The following PRKCH variants were observed in gnomAD, a reference collection of about 807,000 sequenced individuals.
PRKCH encodes the protein protein kinase C eta.
Under a neutral mutation model 82.5 loss-of-function variants are expected in PRKCH, and 28 were observed. That is an observed-to-expected ratio of 0.34 (90% CI 0.25 to 0.47). The LOEUF (loss-of-function observed/expected upper bound fraction) is 0.47. PRKCH is among the 20% of genes least tolerant of loss of function. The pLI is 1.00. For missense variants in PRKCH, 705 were observed against 881.8 expected (o/e 0.80, Z 2.54); for synonymous variants, 322 against 327.4 (o/e 0.98, Z 0.18).
At chr14:61,519,394 C>G (rs1241922211) in intron 10 of PRKCH, among the ~76,000 whole-genome samples, 2 of 152,104 alleles carry the variant, frequency 1.3e-5, no homozygotes, top group Non-Finnish European at 2.9e-5. Context: ...CTCAAGCAAT[C>G]CTCCCACCCT....
upstream of PRKCH, among the ~76,000 whole-genome samples, chr14:61,319,079 T>C (rs1189126020): frequency 6.6e-6 from 1 of 152,150 alleles, no homozygotes; most frequent in Non-Finnish European, 1.5e-5. Context: ...CCATAGATAA[T>C]GTCCAAGGCT....
At chr14:61,449,026 G>A (rs966751378) in intron 4 of PRKCH, 138 bp from the exon 5 acceptor site, 1 of 707,218 alleles carries the variant, frequency 1.4e-6, no homozygotes. Context: ...CAATAGGAAG[G>A]ATGGGCGCAC....
intron 1 of PRKCH, among the ~76,000 whole-genome samples, chr14:61,286,480 C>T (rs905427104): frequency 6.6e-6 from 1 of 152,200 alleles, no homozygotes; most frequent in Admixed American, 6.5e-5. Context: ...CACTAACTTA[C>T]TGCAAAACAG....
intron 1 of PRKCH, among the ~76,000 whole-genome samples, chr14:61,235,060 G>C (rs1471444071): frequency 6.6e-6 from 1 of 152,176 alleles, no homozygotes; most frequent in Non-Finnish European, 1.5e-5. Flanking sequence ...CAAGCACATG[G>C]GGATATCTAC....
chr14:61,269,819 T>C (rs958303366), intron 1 of PRKCH, among the ~76,000 whole-genome samples: 4 of 152,290 alleles, frequency 2.6e-5, no homozygotes, highest in Middle Eastern at 3.4e-3. Context: ...ACAATCAACC[T>C]GAGAAATTGT....
intron 1 of PRKCH, among the ~76,000 whole-genome samples, chr14:61,262,260 T>C (rs2045054873): frequency 7.1e-6 from 1 of 141,198 alleles, no homozygotes; most frequent in Non-Finnish European, 1.5e-5. Context: ...TTACTCATAA[T>C]AGCTCCAAAC....
chr14:61,306,485 G>A (rs1424415005), intron 1 of PRKCH: 1 of 152,146 alleles, frequency 6.6e-6, no homozygotes, highest in Non-Finnish European at 1.5e-5. Flanking sequence ...AGTCTACTTG[G>A]TGTCCCCAGA....
In PRKCH at chr14:61,296,350, G is replaced by A. The variant is rs145374054; in HGVS notation, c.-19+108682G>A. 5.9e-4 allele frequency among the ~76,000 whole-genome samples: 90 copies of A among 152,242 alleles called. 1 individual carries two copies. In the East Asian group the frequency reaches 7.5e-3, roughly 13 times the overall value. ...AGCTCCTCGGGGGATCGGCTAAGCT[G>A]ATACACACCCCTGCTCCTCCCATCC... On this transcript the variant is annotated intron_variant, in intron 1 of 3. Coordinates refer to the PRKCH transcript ENST00000555185.
At chr14:61,217,062 T>G (rs1316519827) in intron 1 of PRKCH, among the ~76,000 whole-genome samples, 1 of 152,154 alleles carries the variant, frequency 6.6e-6, no homozygotes, top group African/African-American at 2.4e-5. Flanking sequence ...CACCCTTTAC[T>G]AAAAGTGAGC....
At chr14:61,411,722 A>G (rs1433942157) in intron 2 of PRKCH, among the ~76,000 whole-genome samples, 1 of 152,242 alleles carries the variant, frequency 6.6e-6, no homozygotes, top group Non-Finnish European at 1.5e-5. Context: ...TAAGGCCACT[A>G]GAGATCATGG....
chr14:61,341,820 A>T (rs1344531428), intron 1 of PRKCH, among the ~76,000 whole-genome samples: 1 of 152,218 alleles, frequency 6.6e-6, no homozygotes, highest in East Asian at 1.9e-4. Context: ...ACACTGGACT[A>T]ACAATGCTTA....
intron 1 of PRKCH, among the ~76,000 whole-genome samples, chr14:61,341,707 A>G (rs913856685): frequency 6.6e-5 from 10 of 152,226 alleles, no homozygotes; most frequent in African/African-American, 2.4e-4. Context: ...CTTCAGGGAA[A>G]GTCAGTAGTA....
intron 10 of PRKCH, among the ~76,000 whole-genome samples, chr14:61,511,373 G>A (rs1594774788): frequency 2.0e-5 from 3 of 152,208 alleles, no homozygotes; most frequent in Non-Finnish European, 2.9e-5. Flanking sequence ...TCCTAGGAGG[G>A]CAAAGGGCAC....
chr14:61,360,436 C>T (rs1036828719), intron 1 of PRKCH, among the ~76,000 whole-genome samples: 2 of 151,730 alleles, frequency 1.3e-5, no homozygotes, highest in Admixed American at 6.6e-5. Context: ...ACATGGGAGG[C>T]GGAGGTTGCA....
chr14:61,366,734 G>A (rs1465946615), intron 1 of PRKCH, among the ~76,000 whole-genome samples: 1 of 152,100 alleles, frequency 6.6e-6, no homozygotes, highest in African/African-American at 2.4e-5. Context: ...TACAGCCAGT[G>A]GCTCTTCAGC....
Position 61,353,140 on chromosome 14 carries a change from A to G in PRKCH, c.363+30676A>G, listed in dbSNP as rs2046104163. On this transcript the variant is annotated intron_variant, in intron 1 of 13. Transcript: ENST00000332981. ...AACTTTTTGAATATTGGGATTGTAG[A>G]TAAGAGATCGTGGTGGACCTGTATA... Among the ~76,000 whole-genome samples, 3 of 152,340 alleles carry G rather than the reference A, an allele frequency of 2.0e-5. No homozygotes were observed. The South Asian group carries it at 6.2e-4, about 32-fold the overall frequency.
chr14:61,473,059 G>A (rs1208049302), intron 9 of PRKCH, among the ~76,000 whole-genome samples: 1 of 152,174 alleles, frequency 6.6e-6, no homozygotes, highest in Non-Finnish European at 1.5e-5. Flanking sequence ...TGTGAGCTGT[G>A]TTTTGAAGAT....
chr14:61,483,403 T>C (rs536564888), intron 9 of PRKCH, among the ~76,000 whole-genome samples: 205 of 152,382 alleles, frequency 1.3e-3, no homozygotes, highest in Non-Finnish European at 2.6e-3. Flanking sequence ...TGTATTTACA[T>C]AGTTTGCCTG....
At chr14:61,478,066 C>A (rs573257277) in intron 9 of PRKCH, among the ~76,000 whole-genome samples, 3 of 152,302 alleles carry the variant, frequency 2.0e-5, no homozygotes, top group Admixed American at 2.0e-4. Flanking sequence ...CCCTTTGGAG[C>A]CCTGGGAGCA....
Sources: allele counts gnomAD v4.1 joint callset (sites outside exome capture counted in the v4.1 genomes callset), GRCh38; gene constraint gnomAD v4.1.1; transcripts MANE v1.5; gene names NCBI Gene and HGNC (gene_info 2026-07-23, HGNC 2026-07-21).